Variants in MACROD2 observed in about 807,000 individuals in gnomAD.
MACROD2 encodes the protein ADP-ribose glycohydrolase MACROD2.
In MACROD2, 36 loss-of-function variants were observed where a neutral mutation model predicts 70.4. The observed-to-expected ratio is 0.51, with a 90% CI of 0.39 to 0.68. The LOEUF is 0.68. Ranked by LOEUF, MACROD2 falls within the 30% of genes least tolerant of loss-of-function variation. MACROD2 has a pLI of 0.00. For missense variants in MACROD2, 496 were observed against 538.4 expected, an observed-to-expected ratio of 0.92 and a Z score of 0.78; for synonymous variants, 172 against 178.8, an observed-to-expected ratio of 0.96 and a Z score of 0.30.
intron 1 of MACROD2, among the ~76,000 whole-genome samples, chr20:14,000,316 A>T (rs1386004560): frequency 6.6e-6 from 1 of 151,946 alleles, no homozygotes; most frequent in African/African-American, 2.4e-5. Context: ...TCTGATTAAG[A>T]TACCTTTTTT....
intron 5 of MACROD2, among the ~76,000 whole-genome samples, chr20:15,111,850 G>A (rs1397614851): frequency 6.6e-6 from 1 of 152,230 alleles, no homozygotes; most frequent in Non-Finnish European, 1.5e-5. Context: ...CCCAGCTCTG[G>A]CAAGTCTTTG....
chr20:15,340,741 T>C (rs933570723), intron 6 of MACROD2, among the ~76,000 whole-genome samples: 1 of 151,798 alleles, frequency 6.6e-6, no homozygotes, highest in Non-Finnish European at 1.5e-5. Flanking sequence ...CAAATCATGC[T>C]TCTCTGTCTA....
chr20:15,038,745 A>G (rs2075333224), intron 5 of MACROD2, among the ~76,000 whole-genome samples: 1 of 152,178 alleles, frequency 6.6e-6, no homozygotes, highest in Non-Finnish European at 1.5e-5. Context: ...CCCTAGTTGG[A>G]TGATCTGAAG....
At chr20:15,651,671 C>A (rs1305919588) in intron 8 of MACROD2, among the ~76,000 whole-genome samples, 1 of 152,140 alleles carries the variant, frequency 6.6e-6, no homozygotes, top group Admixed American at 6.5e-5. Flanking sequence ...CCCATTATGT[C>A]TTGTCATCTT....
intron 5 of MACROD2, among the ~76,000 whole-genome samples, chr20:15,183,811 G>A (rs1181042017): frequency 6.6e-6 from 1 of 152,146 alleles, no homozygotes; most frequent in African/African-American, 2.4e-5. Context: ...TTTCACAAGT[G>A]TGCATCTTCC....
intron 5 of MACROD2, among the ~76,000 whole-genome samples, chr20:15,221,161 A>G (rs1858082614): frequency 6.6e-6 from 1 of 152,144 alleles, no homozygotes; most frequent in Non-Finnish European, 1.5e-5. Flanking sequence ...TTCTCCTCAC[A>G]TCTTAATAAA....
chr20:14,806,581 G>A (rs1419045340), intron 5 of MACROD2, among the ~76,000 whole-genome samples: 1 of 152,100 alleles, frequency 6.6e-6, no homozygotes, highest in Non-Finnish European at 1.5e-5. Context: ...TGGAATGCCA[G>A]TGAGACTGAA....
At chr20:14,123,979 T>C (rs1256431482) in intron 3 of MACROD2, among the ~76,000 whole-genome samples, 1 of 152,192 alleles carries the variant, frequency 6.6e-6, no homozygotes, top group Admixed American at 6.6e-5. Flanking sequence ...TTCTTTCATG[T>C]ATGTTTAATT....
At chr20:15,449,269 C>A (rs908416461) in intron 7 of MACROD2, among the ~76,000 whole-genome samples, 2 of 146,966 alleles carry the variant, frequency 1.4e-5, no homozygotes, top group Non-Finnish European at 3.0e-5. Context: ...TGATCACCAC[C>A]CATCCTTGAG....
In MACROD2 at chr20:15,980,409, C is replaced by T. The variant is rs572378227; in HGVS notation, c.986-6318C>T. 2.0e-5 allele frequency among the ~76,000 whole-genome samples: 3 copies of T among 152,170 alleles called. No homozygotes were observed. The South Asian group carries it at 6.2e-4, about 32-fold the overall frequency. ...GGAGTTCTCACTCTTATTTTTGCTACTTATTTTTTTTGTTCAATAGATTGA... is the reference window on the plus strand; with the variant it reads ...GGAGTTCTCACTCTTATTTTTGCTATTTATTTTTTTTGTTCAATAGATTGA... On this transcript the variant is annotated intron_variant, in intron 13 of 17. Transcript: ENST00000684519.
chr20:15,118,195 A>ATTTTTTTTT lies in MACROD2; in HGVS notation c.419-111745_419-111744insTTTTTTTTT, dbSNP rs140809606. ...CTAAAGTGAGCTTTTTTTAATTTTA[A>ATTTTTTTTT]ATTTTTTTTTTTTTTTGAGCCAGGG... On this transcript the variant is annotated intron_variant, in intron 5 of 17. Coordinates refer to ENST00000684519, the MANE Select transcript of MACROD2 (RefSeq NM_001351661.2). Among the ~76,000 whole-genome samples, 2 of 113,786 alleles carry ATTTTTTTTT rather than the reference A, an allele frequency of 1.8e-5. 1 individual carries two copies. The highest frequency in any genetic ancestry group is 5.4e-5 in the African/African-American group (2 of 37,040). The allele number at this position is 113,786 out of a possible 152,430, so 74.6% of individuals were successfully genotyped here. A position where few individuals can be genotyped will look rare whatever the true frequency, so the allele number is the denominator to read the frequency against.
At chr20:14,340,505 T>A (rs1177751735) in intron 3 of MACROD2, among the ~76,000 whole-genome samples, 1 of 152,104 alleles carries the variant, frequency 6.6e-6, no homozygotes, top group African/African-American at 2.4e-5. Flanking sequence ...TTTTTGGAAT[T>A]TTTCAAATTT....
intron 8 of MACROD2, among the ~76,000 whole-genome samples, chr20:15,848,547 T>A (rs190932276): frequency 1.4e-4 from 22 of 152,320 alleles, no homozygotes; most frequent in Non-Finnish European, 1.5e-4. Flanking sequence ...CGAGGGAGAC[T>A]TAATAGCCCT....
At chr20:15,856,716 G>C (rs2064360814) in intron 8 of MACROD2, among the ~76,000 whole-genome samples, 1 of 152,192 alleles carries the variant, frequency 6.6e-6, no homozygotes, top group Non-Finnish European at 1.5e-5. Flanking sequence ...TGAACTGTCA[G>C]ATTGTTAGTT....
At chr20:14,373,839 C>T (rs76458657) in intron 3 of MACROD2, among the ~76,000 whole-genome samples, 2,444 of 146,796 alleles carry the variant, frequency 0.017, 26 homozygotes, top group Middle Eastern at 0.031. Flanking sequence ...TGCACACATG[C>T]TCCTTGTTTT....
intron 8 of MACROD2, among the ~76,000 whole-genome samples, chr20:15,727,729 A>C (rs1343005499): frequency 6.6e-6 from 1 of 151,686 alleles, no homozygotes; most frequent in Non-Finnish European, 1.5e-5. Flanking sequence ...TTTTTATTTG[A>C]ATCTTTGCTT....
At chr20:14,590,049 TTCTC>T (rs769436849) in intron 4 of MACROD2, among the ~76,000 whole-genome samples, 1 of 152,194 alleles carries the variant, frequency 6.6e-6, no homozygotes, top group Non-Finnish European at 1.5e-5. Context: ...AGACAGTTTT[TTCTC>T]TCTCTAGCTC....
intron 3 of MACROD2, among the ~76,000 whole-genome samples, chr20:14,124,115 G>A (rs769132858): frequency 1.3e-5 from 2 of 152,030 alleles, no homozygotes; most frequent in African/African-American, 4.8e-5. Flanking sequence ...GTTTCTATTT[G>A]TATAAATTGA....
intron 3 of MACROD2, among the ~76,000 whole-genome samples, chr20:14,350,409 G>A (rs904136843): frequency 2.0e-5 from 3 of 151,736 alleles, no homozygotes; most frequent in Non-Finnish European, 4.4e-5. Flanking sequence ...CCTGTCTTTT[G>A]GATAAAAGAC....
Sources: allele counts gnomAD v4.1 joint callset (sites outside exome capture counted in the v4.1 genomes callset), GRCh38; gene constraint gnomAD v4.1.1; transcripts MANE v1.5; gene names NCBI Gene and HGNC (gene_info 2026-07-23, HGNC 2026-07-21).